Variants in MGAM2 observed in about 807,000 individuals in gnomAD.
The protein encoded by MGAM2 is probable maltase-glucoamylase 2.
Under a neutral mutation model 96.1 loss-of-function variants are expected in MGAM2, and 98 were observed. The ratio of observed to expected loss-of-function variants is 1.02; its 90% CI spans 0.87 to 1.21. The LOEUF is 1.21. MGAM2 is among the 50% of genes most tolerant of loss of function. The pLI, the probability that MGAM2 is intolerant of heterozygous loss-of-function variation, is 0.00. For missense variants in MGAM2, 2,055 were observed against 1,182.4 expected, an observed-to-expected ratio of 1.74 and a Z score of -10.82; for synonymous variants, 749 against 414.8, an observed-to-expected ratio of 1.81 and a Z score of -9.79.
chr7:142,191,854 G>A (rs1472632945), intron 37 of MGAM2, among the ~76,000 whole-genome samples: 2 of 151,558 alleles, frequency 1.3e-5, no homozygotes, highest in East Asian at 1.9e-4. Flanking sequence ...ATTAGCATGA[G>A]GTGTCTTTCC....
Position 142,170,097 on chromosome 7 carries a change from G to A in MGAM2, c.3050G>A (p.Arg1017Lys). The stretch of plus-strand genomic sequence containing the variant: ...CAGATCTATGACCCCACTAATAAAA[G>A]GTATGAGGTTCCAGTACCACTGAAC... ...QVKIYDPTNK[R>K]YEVPVPLNTP... Residue 1017 changes from arginine to lysine, a missense_variant, in exon 27 of 48, where the codon AGG becomes AAG. Coordinates refer to ENST00000477922, the MANE Select transcript of MGAM2 (RefSeq NM_001293626.2). The A allele has an allele frequency of 2.8e-6, 2 of 702,394 alleles. No individual in the cohort carries two copies. Among genetic ancestry groups the A allele is most frequent in the South Asian group, 1.5e-5 (1 of 67,498 alleles). The allele number at this position is 702,394 out of a possible 1,614,324, so 43.5% of individuals were successfully genotyped here. A position where few individuals can be genotyped will look rare whatever the true frequency, so the allele number is the denominator to read the frequency against.
At chr7:142,219,394 C>T (rs758555137) in intron 47 of MGAM2, among the ~76,000 whole-genome samples, 1 of 152,132 alleles carries the variant, frequency 6.6e-6, no homozygotes, top group Non-Finnish European at 1.5e-5. Context: ...AGTTCAAAAC[C>T]ACTCTTTGCA....
rs1332209062 is a variant in MGAM2 at position 142,131,033 on chromosome 7, G to A, written c.272G>A (p.Gly91Asp). The change falls in exon 4 of 48, where the codon GGC (glycine) becomes GAC (aspartate). Residue 91 changes from glycine (G) to aspartate (D), a missense_variant. Transcript: ENST00000477922. Reference sequence around the variant, plus strand: ...AGGTGCTTCTTCCCCTGGAACTGGGGCTATGAAGCCAGCAATGGCCATACA... The same window carrying A: ...AGGTGCTTCTTCCCCTGGAACTGGGACTATGAAGCCAGCAATGGCCATACA... Reference protein sequence around the residue: ...VPRCFFPWNWGYEASNGHTNT... With the variant: ...VPRCFFPWNWDYEASNGHTNT... The A allele has an allele frequency of 5.7e-6, 4 of 702,526 alleles. No homozygotes were observed. Among genetic ancestry groups the A allele is most frequent in the Non-Finnish European group, 1.0e-5 (4 of 385,004 alleles). The allele number at this position is 702,526 out of a possible 1,614,324, so 43.5% of individuals were successfully genotyped here. A position where few individuals can be genotyped will look rare whatever the true frequency, so the allele number is the denominator to read the frequency against.
intron 25 of MGAM2, 69 bp downstream of exon 25, chr7:142,166,322 A>T (rs992906941): frequency 9.7e-6 from 6 of 617,232 alleles, no homozygotes; most frequent in Non-Finnish European, 1.5e-5. Context: ...CACTTTTCAA[A>T]TGTCTGTGGC....
intron 3 of MGAM2, among the ~76,000 whole-genome samples, chr7:142,124,472 T>C (rs1243387409): frequency 1.3e-5 from 2 of 152,202 alleles, no homozygotes; most frequent in African/African-American, 4.8e-5. Context: ...TATTGCTTTA[T>C]GATAGGTCTT....
intron 2 of MGAM2, among the ~76,000 whole-genome samples, chr7:142,118,440 T>A (rs924094026): frequency 6.6e-6 from 1 of 152,228 alleles, no homozygotes; most frequent in East Asian, 1.9e-4. Context: ...TTGGGGGCTT[T>A]GTTTTGAATC....
At chr7:142,219,812 T>C in intron 47 of MGAM2, 58 bp from the exon 48 acceptor site, 1 of 624,386 alleles carries the variant, frequency 1.6e-6, no homozygotes, top group Non-Finnish European at 2.9e-6. Flanking sequence ...AGAGGTGAGC[T>C]ACATGTGAGG....
intron 31 of MGAM2, among the ~76,000 whole-genome samples, chr7:142,174,715 C>CTCTTTTATTT (rs1194981898): frequency 5.9e-5 from 5 of 85,460 alleles, no homozygotes; most frequent in African/African-American, 2.8e-4. Context: ...CTCTCTCTCT[C>CTCTTTTATTT]TTTTTTTTTT....
At chr7:142,159,970 C>T (rs531079106) in intron 20 of MGAM2, among the ~76,000 whole-genome samples, 164 bp from the exon 21 acceptor site, 94 of 152,286 alleles carry the variant, frequency 6.2e-4, no homozygotes, top group Admixed American at 1.0e-3. Context: ...GGAGTGTCAG[C>T]TCTGCCCTCT....
intron 46 of MGAM2, among the ~76,000 whole-genome samples, chr7:142,210,197 C>T (rs995366311): frequency 1.4e-4 from 21 of 152,282 alleles, no homozygotes; most frequent in African/African-American, 5.1e-4. Flanking sequence ...CTTTGCAACC[C>T]ACAGAGCAGG....
chr7:142,219,320 A>G (rs542363866), intron 47 of MGAM2, among the ~76,000 whole-genome samples: 1 of 152,336 alleles, frequency 6.6e-6, no homozygotes, highest in South Asian at 2.1e-4. Flanking sequence ...TGAGCACTCA[A>G]ATAGATCTTC....
intron 9 of MGAM2, among the ~76,000 whole-genome samples, chr7:142,138,099 C>T (rs1795113760): frequency 6.6e-6 from 1 of 152,174 alleles, no homozygotes; most frequent in Non-Finnish European, 1.5e-5. Flanking sequence ...CCTGTAATCT[C>T]ACTCCTAATC....
chr7:142,145,208 T>A (rs1411757943), intron 14 of MGAM2, among the ~76,000 whole-genome samples: 1 of 152,230 alleles, frequency 6.6e-6, no homozygotes, highest in African/African-American at 2.4e-5. Context: ...TTCAAAATGC[T>A]TTCATCCTGT....
chr7:142,176,352 C>G (rs1796376683), intron 32 of MGAM2, among the ~76,000 whole-genome samples: 1 of 152,202 alleles, frequency 6.6e-6, no homozygotes, highest in Non-Finnish European at 1.5e-5. Context: ...AAATGATTCT[C>G]TCTTCTAGCT....
rs1795846522 is a variant in MGAM2 at position 142,160,145 on chromosome 7, C to G, written c.2232C>G (p.Ile744Met). The change falls in exon 21 of 48, where the codon ATC becomes ATG. Residue 744 changes from isoleucine (I) to methionine (M), a missense_variant. Transcript: ENST00000477922. Reference protein sequence around the residue: ...TWYDYETGVAISWRKQLVNML... With the variant: ...TWYDYETGVAMSWRKQLVNML... ...TTGTTGCTGATTAGGGAGTGGCCAT[C>G]TCATGGAGGAAACAGTTGGTGAATA... is the stretch of plus-strand genomic sequence containing the variant. The G allele has an allele frequency of 1.4e-6, 1 of 702,070 alleles. No homozygotes were observed. Among genetic ancestry groups the G allele is most frequent in the African/African-American group, 1.7e-5 (1 of 57,206 alleles). 43.5% of individuals were successfully genotyped at this position (702,070 alleles called of 1,614,324 possible).
chr7:142,147,583 T>C lies in MGAM2; in HGVS notation c.1634+10T>C. ...CAAGAACCACAAACTTGTAAGGACT[T>C]GGTTTTCACCCTAATTCCAGATATG... On this transcript the variant is annotated intron_variant, in intron 15 of 47. Transcript: ENST00000477922. The C allele has an allele frequency of 1.4e-6, 1 of 701,020 alleles. No individual in the cohort carries two copies. Among genetic ancestry groups the C allele is most frequent in the Non-Finnish European group, 2.6e-6 (1 of 384,246 alleles). The allele number at this position is 701,020 out of a possible 1,614,324, so 43.4% of individuals were successfully genotyped here. A position where few individuals can be genotyped will look rare whatever the true frequency, so the allele number is the denominator to read the frequency against.
intron 33 of MGAM2, among the ~76,000 whole-genome samples, chr7:142,183,948 TC>T (rs1796615536): frequency 3.9e-5 from 5 of 129,662 alleles, no homozygotes; most frequent in African/African-American, 1.4e-4. Flanking sequence ...TATTCCAGGC[TC>T]CTTTTTTTTT....
intron 3 of MGAM2, among the ~76,000 whole-genome samples, chr7:142,121,148 TTTCAGTTCTTTTCATATATACATA>T (rs1317873943): frequency 6.6e-6 from 1 of 151,498 alleles, no homozygotes. Context: ...AGTGTCTCCA[TTTCAGTTCTTTTCATATATACATA>T]TATTTCTTTC....
chr7:142,210,112 G>C (rs914653253), intron 46 of MGAM2, among the ~76,000 whole-genome samples: 1 of 152,128 alleles, frequency 6.6e-6, no homozygotes, highest in Non-Finnish European at 1.5e-5. Context: ...AAGGGGTCAG[G>C]GTACTCCCCC....
Sources: gnomAD v4.1 joint callset for allele counts (sites outside exome capture counted in the v4.1 genomes callset) on GRCh38, gnomAD v4.1.1 for gene constraint, MANE v1.5 for transcripts, NCBI Gene and HGNC (gene_info 2026-07-23, HGNC 2026-07-21) for gene names.